The following STX8 variants were observed in gnomAD, a reference collection of about 807,000 sequenced individuals.
STX8 encodes syntaxin-8.
In STX8, 23 loss-of-function variants were observed where a neutral mutation model predicts 37.5. The ratio of observed to expected loss-of-function variants is 0.61; its 90% CI spans 0.44 to 0.87. STX8 has a LOEUF of 0.87. STX8 is among the 40% of genes least tolerant of loss of function. The pLI is 0.00. For synonymous variants in STX8, 115 were observed against 99.1 expected, an observed-to-expected ratio of 1.16 and a Z score of -0.95; for missense variants, 313 against 284.7, an observed-to-expected ratio of 1.10 and a Z score of -0.71.
chr17:9,375,808 C>T (rs1353414884), intron 7 of STX8, among the ~76,000 whole-genome samples: 1 of 152,124 alleles, frequency 6.6e-6, no homozygotes, highest in South Asian at 2.1e-4. Context: ...CCTTTGAGGT[C>T]TATATCTCTA....
intron 7 of STX8, among the ~76,000 whole-genome samples, chr17:9,251,262 C>A (rs1906565452): frequency 1.3e-5 from 2 of 152,240 alleles, no homozygotes; most frequent in Non-Finnish European, 2.9e-5. Flanking sequence ...TCCAGCCCCG[C>A]CCTGCCTCCT....
At chr17:9,308,131 A>G (rs1432532525) in intron 7 of STX8, among the ~76,000 whole-genome samples, 1 of 152,242 alleles carries the variant, frequency 6.6e-6, no homozygotes, top group African/African-American at 2.4e-5. Context: ...TGAAGAGTGG[A>G]CAGCCATGTA....
intron 6 of STX8, among the ~76,000 whole-genome samples, chr17:9,482,085 T>G (rs1906373189): frequency 1.3e-5 from 2 of 152,126 alleles, no homozygotes; most frequent in South Asian, 4.2e-4. Flanking sequence ...GGCAGGAGGA[T>G]GGCTTCATCC....
intron 6 of STX8, among the ~76,000 whole-genome samples, chr17:9,393,164 C>T (rs746472458): frequency 5.9e-5 from 9 of 152,126 alleles, no homozygotes; most frequent in Non-Finnish European, 8.8e-5. Context: ...CTGGATTTCT[C>T]ATCAAAAATC....
At chr17:9,294,011 C>T (rs1022071200) in intron 7 of STX8, among the ~76,000 whole-genome samples, 3 of 152,114 alleles carry the variant, frequency 2.0e-5, no homozygotes, top group Admixed American at 6.5e-5. Context: ...GTGATCTGCC[C>T]GTCTCGGCCT....
rs1302859276 is a variant in STX8, at chr17:9,378,585, C to T, written c.610G>A (p.Val204Ile). Residue 204 changes from valine (V) to isoleucine (I), a missense_variant, in exon 7 of 8, where the codon GTA (valine) becomes ATA (isoleucine). Val to Ile is a conservative substitution (Grantham distance 29). Coordinates refer to ENST00000306357, the MANE Select transcript of STX8 (RefSeq NM_004853.3). The part of the protein sequence containing the change: ...DEKLRNETRR[V>I]NMVDRKSASC... ...GCTGACTTTCTGTCCACCATGTTTA[C>T]CCGCCTGGTTTCATTGCGAAGTTTT... 3.1e-6 allele frequency: 5 copies of T among 1,613,728 alleles called. No homozygotes were observed. Among genetic ancestry groups the T allele is most frequent in the East Asian group, 2.2e-5 (1 of 44,872 alleles).
Position 9,563,851 on chromosome 17 carries a change from T to C in STX8, c.117+4520A>G, listed in dbSNP as rs192421667. Among the ~76,000 whole-genome samples, 132 of 152,206 alleles carry C rather than the reference T, an allele frequency of 8.7e-4. 1 individual carries two copies. Among genetic ancestry groups the C allele is most frequent in the Non-Finnish European group, 1.1e-3 (74 of 68,006 alleles). ...ATTGCAAAAGTCCTCAAAAAAATAC[T>C]GGCAAACCGAATCCAGCAGCACATC... On this transcript the variant is annotated intron_variant, in intron 2 of 7. Coordinates refer to ENST00000306357, the MANE Select transcript of STX8 (RefSeq NM_004853.3).
intron 6 of STX8, among the ~76,000 whole-genome samples, chr17:9,491,466 G>C (rs141783343): frequency 9.8e-5 from 15 of 152,290 alleles, no homozygotes; most frequent in Admixed American, 3.9e-4. Context: ...GATCGAAGAA[G>C]AGCAAACTCC....
At chr17:9,432,773 C>G (rs1339706559) in intron 6 of STX8, among the ~76,000 whole-genome samples, 1 of 152,174 alleles carries the variant, frequency 6.6e-6, no homozygotes, top group East Asian at 1.9e-4. Flanking sequence ...GAATTAAATA[C>G]AGAGTCTTTG....
intron 7 of STX8, among the ~76,000 whole-genome samples, chr17:9,288,454 G>A (rs1366706959): frequency 6.6e-6 from 1 of 151,862 alleles, no homozygotes; most frequent in Non-Finnish European, 1.5e-5. Flanking sequence ...GAGATCAAGA[G>A]ATCGAGACCA....
chr17:9,305,810 T>A (rs1222662158), intron 7 of STX8, among the ~76,000 whole-genome samples: 1 of 146,130 alleles, frequency 6.8e-6, no homozygotes, highest in Non-Finnish European at 1.5e-5. Flanking sequence ...AGTGGCATGA[T>A]TCTGGCTCAC....
At chr17:9,317,017 C>T (rs570771317) in intron 7 of STX8, among the ~76,000 whole-genome samples, 2 of 152,122 alleles carry the variant, frequency 1.3e-5, no homozygotes, top group African/African-American at 2.4e-5. Context: ...TCCTATCTCA[C>T]GCACTAAGGT....
At chr17:9,288,960 G>A (rs574118969) in intron 7 of STX8, among the ~76,000 whole-genome samples, 9 of 152,240 alleles carry the variant, frequency 5.9e-5, no homozygotes, top group Admixed American at 1.3e-4. Context: ...ACACAATAAC[G>A]GGGGTAAGCG....
intron 6 of STX8, among the ~76,000 whole-genome samples, chr17:9,459,867 A>AC (rs1905299418): frequency 6.6e-6 from 1 of 152,206 alleles, no homozygotes; most frequent in Admixed American, 6.5e-5. Context: ...GTTGCTTTCT[A>AC]CCACATTCTT....
chr17:9,415,779 A>G (rs1913170949), intron 6 of STX8, among the ~76,000 whole-genome samples: 2 of 151,912 alleles, frequency 1.3e-5, no homozygotes, highest in African/African-American at 2.4e-5. Context: ...AACAACAACA[A>G]CAAAAAGCAA....
At chr17:9,483,522 G>C (rs902068312) in intron 6 of STX8, among the ~76,000 whole-genome samples, 1 of 152,120 alleles carries the variant, frequency 6.6e-6, no homozygotes, top group Non-Finnish European at 1.5e-5. Flanking sequence ...ATCTTTGGGG[G>C]TCATTATTCA....
chr17:9,466,369 T>C (rs1032320282), intron 6 of STX8, among the ~76,000 whole-genome samples: 8 of 152,310 alleles, frequency 5.3e-5, no homozygotes, highest in Admixed American at 5.2e-4. Flanking sequence ...CTAATAGGTA[T>C]TGGCTGTGTG....
rs375634406 is a variant in STX8 at position 9,559,762 on chromosome 17, T to A, written c.118-2234A>T. ...TATATATATATATATATATATATAT[T>A]TTTTTTTTTTTTTTTTTTGAGACAG... is the stretch of plus-strand genomic sequence containing the variant. On this transcript the variant is annotated intron_variant, in intron 2 of 7. Transcript: ENST00000306357. Among the ~76,000 whole-genome samples, 79 of 34,726 alleles carry A rather than the reference T, an allele frequency of 2.3e-3. 1 individual carries two copies. The highest frequency in any genetic ancestry group is 3.8e-3 in the African/African-American group (31 of 8,100). The allele number at this position is 34,726 out of a possible 152,430, so 22.8% of individuals were successfully genotyped here.
chr17:9,424,938 T>C (rs1417962696), intron 6 of STX8, among the ~76,000 whole-genome samples: 1 of 152,100 alleles, frequency 6.6e-6, no homozygotes, highest in African/African-American at 2.4e-5. Context: ...AAGAATACCA[T>C]GTAACACAAG....
Sources: allele counts gnomAD v4.1 joint callset (sites outside exome capture counted in the v4.1 genomes callset), GRCh38; gene constraint gnomAD v4.1.1; transcripts MANE v1.5; gene names NCBI Gene and HGNC (gene_info 2026-07-23, HGNC 2026-07-21).